DOK7: variants seen among roughly 807,000 people sequenced by gnomAD.
DOK7 encodes docking protein 7, also known as protein Dok-7.
DOK7 carries 32 observed loss-of-function variants against 30.7 expected under a neutral mutation model. The ratio of observed to expected loss-of-function variants is 1.04; its 90% confidence interval spans 0.79 to 1.40. The LOEUF (loss-of-function observed/expected upper bound fraction) is 1.40, where lower values mean the gene tolerates loss of function less well. Among genes scored for constraint, DOK7 ranks in the 40% most tolerant of loss-of-function variants. The pLI is 0.00. For synonymous variants in DOK7, 447 were observed against 324.1 expected (o/e 1.38, Z -4.07); for missense variants, 1,007 against 699.2 (o/e 1.44, Z -4.97).
intron 6 of DOK7, 127 bp from the exon 7 acceptor site, chr4:3,492,632 C>T: frequency 7.4e-7 from 1 of 1,350,000 alleles, no homozygotes; most frequent in Non-Finnish European, 1.0e-6. Context: ...GGCCCCGGGG[C>T]TTGGGGGCTG....
At chr4:3,500,373 G>C (rs1289156878) in exon 7 of DOK7, 1 of 1,535,972 alleles carries the variant, frequency 6.5e-7, no homozygotes, top group Admixed American at 2.0e-5. Context: ...CATGGGCCTG[G>C]AGCTCCAGGA....
In DOK7 at chr4:3,463,612, G is replaced by A. The variant is rs541748150; in HGVS notation, c.100+61G>A. On this transcript the variant is annotated intron_variant, in intron 2 of 6. Coordinates refer to ENST00000340083, the MANE Select transcript of DOK7 (RefSeq NM_173660.5). ...GTAGCGACACGGGTTACCGAGGCCC[G>A]GGGCAGTAATGCCAGCTTGCCCAAA... is the stretch of plus-strand genomic sequence containing the variant. The A allele has an allele frequency of 1.7e-3, 2,629 of 1,516,176 alleles. 7 individuals are homozygous for A. The highest frequency in any genetic ancestry group is 8.6e-3 in the Middle Eastern group (37 of 4,324). The allele number at this position is 1,516,176 out of a possible 1,614,324, so 93.9% of individuals were successfully genotyped here.
intron 5 of DOK7, among the ~76,000 whole-genome samples, chr4:3,489,158 C>T (rs995628386): frequency 3.3e-5 from 5 of 152,108 alleles, no homozygotes; most frequent in Non-Finnish European, 7.4e-5. Context: ...CCGCAGACCA[C>T]CATGCTCTGA....
exon 8 of DOK7, chr4:3,500,698 G>A (rs1176395263): frequency 6.5e-7 from 1 of 1,535,828 alleles, no homozygotes; most frequent in Non-Finnish European, 8.7e-7. Flanking sequence ...TCAGGGGCTG[G>A]CGCCTCCCTC....
Position 3,476,431 on chromosome 4 carries a change from G to T in DOK7, c.421G>T (p.Ala141Ser). Reference sequence around the variant, plus strand: ...CCTCTGCAATGATGTCCTCGTCTTGGCCAGGGACATCCCCCCGGCTGTCAC... The same window carrying T: ...CCTCTGCAATGATGTCCTCGTCTTGTCCAGGGACATCCCCCCGGCTGTCAC... ...LHLCNDVLVL[A>S]RDIPPAVTGQ... is the part of the protein sequence containing the mutation. The change falls in exon 4 of 7, where the codon GCC becomes TCC. Residue 141 changes from alanine (A) to serine (S), a missense_variant. By Grantham distance (99) the Ala-to-Ser change is moderately conservative. Transcript: ENST00000340083. The T allele has an allele frequency of 6.2e-7, 1 of 1,613,558 alleles. No individual in the cohort carries two copies. Among genetic ancestry groups the T allele is most frequent in the East Asian group, 2.2e-5 (1 of 44,886 alleles).
downstream of DOK7, among the ~76,000 whole-genome samples, chr4:3,498,980 C>G (rs1394264994): frequency 6.6e-6 from 1 of 152,246 alleles, no homozygotes; most frequent in Non-Finnish European, 1.5e-5. Flanking sequence ...TCTCCCTGGC[C>G]TCAGTTTCCC....
downstream of DOK7, among the ~76,000 whole-genome samples, chr4:3,498,742 T>C (rs1022359554): frequency 6.6e-6 from 1 of 152,230 alleles, no homozygotes; most frequent in Non-Finnish European, 1.5e-5. Flanking sequence ...TTGGCCGCTA[T>C]GTTCTGTGGC....
intron 2 of DOK7, among the ~76,000 whole-genome samples, chr4:3,469,063 A>T (rs1577142923): frequency 7.0e-6 from 1 of 142,724 alleles, no homozygotes; most frequent in South Asian, 2.2e-4. Flanking sequence ...TGTGTGCATT[A>T]GTGTGTGTGC....
intron 5 of DOK7, among the ~76,000 whole-genome samples, chr4:3,489,196 C>T (rs970800352): frequency 5.9e-5 from 9 of 152,210 alleles, no homozygotes; most frequent in South Asian, 4.1e-4. Flanking sequence ...AGTCTCCATC[C>T]GAGACCCCAG....
chr4:3,499,670 T>C (rs1729093891), intron 6 of DOK7, among the ~76,000 whole-genome samples: 3 of 144,086 alleles, frequency 2.1e-5, no homozygotes, highest in South Asian at 4.4e-4. Flanking sequence ...GTAGCTCCTA[T>C]GAGGGGGGAG....
At position 3,493,356 on chromosome 4, in the gene DOK7, AG is replaced by A; in HGVS notation, c.1372del (p.Ala458ProfsTer43). The A allele has an allele frequency of 5.0e-6, 8 of 1,597,352 alleles. No individual in the cohort carries two copies. The highest frequency in any genetic ancestry group is 2.6e-6 in the Non-Finnish European group (3 of 1,172,274). ...ACGAGACGGCGGGGCCTGGTGATGG[AG>A]GCCCCCCAGGGCAGCGAGGCCACAC... ...LGTRRRGLVM[E>X]APQGSEATLP... is the part of the protein sequence containing the mutation. On this transcript the variant is annotated frameshift_variant, in exon 7 of 7. Coordinates refer to ENST00000340083, the MANE Select transcript of DOK7 (RefSeq NM_173660.5). LOFTEE classifies it high-confidence loss of function.
At chr4:3,476,673 G>A in intron 4 of DOK7, 131 bp downstream of exon 4, 2 of 1,185,874 alleles carry the variant, frequency 1.7e-6, no homozygotes, top group Non-Finnish European at 2.4e-6. Context: ...GCCGGCAGGT[G>A]GACGGAGTCT....
downstream of DOK7, among the ~76,000 whole-genome samples, chr4:3,495,467 T>G (rs1349140443): frequency 1.3e-5 from 2 of 152,224 alleles, no homozygotes; most frequent in Admixed American, 6.5e-5. Flanking sequence ...CTGGCGGGGC[T>G]GGGCCCCTGG....
intron 2 of DOK7, among the ~76,000 whole-genome samples, chr4:3,466,429 C>T (rs529913702): frequency 4.1e-4 from 62 of 152,344 alleles, no homozygotes; most frequent in Middle Eastern, 3.4e-3. Context: ...ACAGCGCCTC[C>T]GCTAACGAGG....
intron 4 of DOK7, 99 bp from the exon 5 acceptor site, chr4:3,485,440 C>G: frequency 1.5e-6 from 2 of 1,375,904 alleles, no homozygotes; most frequent in Non-Finnish European, 1.9e-6. Flanking sequence ...TCATTGTCGG[C>G]TCTTGGTGGA....
chr4:3,489,990 A>ATTCCTTTCTTCACC (rs2109390666), intron 6 of DOK7, among the ~76,000 whole-genome samples, 194 bp downstream of exon 6: 1 of 28,708 alleles, frequency 3.5e-5, no homozygotes, highest in African/African-American at 1.8e-4. Context: ...CTTCCCCACC[A>ATTCCTTTCTTCACC]CCCTGCTCAT....
Position 3,480,909 on chromosome 4 carries a change from G to T in DOK7, c.532+4367G>T, listed in dbSNP as rs144259741. 5.5e-3 allele frequency among the ~76,000 whole-genome samples: 844 copies of T among 152,330 alleles called. 7 individuals carry two copies. Among genetic ancestry groups the T allele is most frequent in the African/African-American group, 0.019 (801 of 41,586 alleles). Reference sequence around the variant, plus strand: ...TGCGAGGGGAGCCAGGAGGGGCACAGACCCCAGGCTGGGGGCACTGCGGGG... The same window carrying T: ...TGCGAGGGGAGCCAGGAGGGGCACATACCCCAGGCTGGGGGCACTGCGGGG... On this transcript the variant is annotated intron_variant, in intron 4 of 6. Transcript: ENST00000340083.
At chr4:3,464,819 G>A (rs777277577) in intron 2 of DOK7, among the ~76,000 whole-genome samples, 4 of 152,188 alleles carry the variant, frequency 2.6e-5, no homozygotes, top group Non-Finnish European at 5.9e-5. Context: ...GGGCCTGCCA[G>A]CCTCAAGAGG....
Position 3,493,894 on chromosome 4 carries a change from G to T in DOK7, c.*393G>T. ...CTTGGGCCTCACGCCCCCTTCGGGG[G>T]TGGCCGGTTCTCCCCATCACCTCTC... On this transcript the variant is annotated 3_prime_UTR_variant, in exon 7 of 7. Coordinates refer to ENST00000340083, the MANE Select transcript of DOK7 (RefSeq NM_173660.5). 1 of 1,075,182 alleles carries T rather than the reference G, an allele frequency of 9.3e-7. No individual in the cohort carries two copies. Among genetic ancestry groups the T allele is most frequent in the Non-Finnish European group, 1.1e-6 (1 of 888,298 alleles). The allele number at this position is 1,075,182 out of a possible 1,614,324, so 66.6% of individuals were successfully genotyped here.
Sources: allele counts gnomAD v4.1 joint callset (sites outside exome capture counted in the v4.1 genomes callset), GRCh38; gene constraint gnomAD v4.1.1; transcripts MANE v1.5; gene names NCBI Gene and HGNC (gene_info 2026-07-23, HGNC 2026-07-21).